Variants in PRKCH observed in about 807,000 individuals in gnomAD.
The protein encoded by PRKCH is protein kinase C eta type.
In PRKCH, 28 loss-of-function variants were observed where a neutral mutation model predicts 82.5. That is an observed-to-expected ratio of 0.34 (90% confidence interval 0.25 to 0.47). PRKCH has a LOEUF of 0.47. Among genes scored for constraint, PRKCH ranks in the 20% least tolerant of loss-of-function variants. PRKCH has a pLI of 1.00. For synonymous variants in PRKCH, 322 were observed against 327.4 expected (o/e 0.98, Z 0.18); for missense variants, 705 against 881.8 (o/e 0.80, Z 2.54).
At chr14:61,293,492 C>T (rs775506454) in intron 1 of PRKCH, among the ~76,000 whole-genome samples, 2 of 152,184 alleles carry the variant, frequency 1.3e-5, no homozygotes, top group Admixed American at 6.5e-5. Flanking sequence ...GGAATCTTAT[C>T]GCAGCACTAA....
chr14:61,435,142 G>A (rs952140675), intron 2 of PRKCH, among the ~76,000 whole-genome samples: 1 of 152,112 alleles, frequency 6.6e-6, no homozygotes, highest in Non-Finnish European at 1.5e-5. Flanking sequence ...GACAGGAATC[G>A]AGCCTCAGTT....
chr14:61,205,900 C>A (rs2044519800), intron 1 of PRKCH, among the ~76,000 whole-genome samples: 1 of 152,176 alleles, frequency 6.6e-6, no homozygotes, highest in African/African-American at 2.4e-5. Context: ...TTTGGGTTTT[C>A]TTCCTTCTCT....
chr14:61,499,236 A>G (rs189747833), intron 10 of PRKCH, among the ~76,000 whole-genome samples: 3 of 152,288 alleles, frequency 2.0e-5, no homozygotes, highest in East Asian at 3.9e-4. Context: ...TGAAAGGGGA[A>G]TTTTTTCCTT....
chr14:61,494,416 A>G (rs1886577369), intron 10 of PRKCH, among the ~76,000 whole-genome samples: 1 of 152,226 alleles, frequency 6.6e-6, no homozygotes, highest in Non-Finnish European at 1.5e-5. Flanking sequence ...ACTTTAGAGT[A>G]TGTGTGTGAC....
chr14:61,394,684 C>T (rs1162710923), intron 2 of PRKCH, among the ~76,000 whole-genome samples: 1 of 152,106 alleles, frequency 6.6e-6, no homozygotes, highest in African/African-American at 2.4e-5. Context: ...TCTGATTGTT[C>T]TCATTGTATT....
intron 1 of PRKCH, among the ~76,000 whole-genome samples, chr14:61,242,498 A>G (rs958860750): frequency 6.6e-6 from 1 of 152,162 alleles, no homozygotes; most frequent in Non-Finnish European, 1.5e-5. Context: ...CCCAGGTTCA[A>G]TCAATTCTCC....
At chr14:61,379,621 G>A (rs1767812027) in intron 1 of PRKCH, among the ~76,000 whole-genome samples, 1 of 152,210 alleles carries the variant, frequency 6.6e-6, no homozygotes, top group Middle Eastern at 3.2e-3. Flanking sequence ...TATCTTCAGT[G>A]TGTTAAGACA....
chr14:61,236,431 C>T (rs1033336956), intron 1 of PRKCH, among the ~76,000 whole-genome samples: 2 of 151,764 alleles, frequency 1.3e-5, no homozygotes, highest in Non-Finnish European at 2.9e-5. Context: ...CTGGCTCCAC[C>T]GGGCGCAGTA....
intron 1 of PRKCH, among the ~76,000 whole-genome samples, chr14:61,206,290 T>C (rs915361133): frequency 1.3e-5 from 2 of 152,214 alleles, no homozygotes; most frequent in Admixed American, 1.3e-4. Flanking sequence ...CTGAAGGCTC[T>C]AGGGAAGAAG....
chr14:61,375,210 G>T (rs2046413779), intron 1 of PRKCH, among the ~76,000 whole-genome samples: 1 of 152,046 alleles, frequency 6.6e-6, no homozygotes, highest in Non-Finnish European at 1.5e-5. Flanking sequence ...CTCCAGTCCA[G>T]TAAGTTCCTC....
intron 1 of PRKCH, among the ~76,000 whole-genome samples, chr14:61,228,353 G>A (rs141749904): frequency 5.3e-5 from 8 of 152,280 alleles, no homozygotes; most frequent in South Asian, 4.1e-4. Context: ...AATGTGTTGC[G>A]CTCTGTTTAT....
At chr14:61,206,879 G>A (rs1431847927) in intron 1 of PRKCH, among the ~76,000 whole-genome samples, 6 of 151,938 alleles carry the variant, frequency 3.9e-5, no homozygotes, top group African/African-American at 1.5e-4. Context: ...GGCCAAGGCA[G>A]ATGGATCACC....
intron 1 of PRKCH, among the ~76,000 whole-genome samples, chr14:61,226,122 G>A (rs1267100913): frequency 1.3e-5 from 2 of 152,128 alleles, no homozygotes; most frequent in Admixed American, 6.5e-5. Flanking sequence ...TTATAGCACA[G>A]TCTTAACCGT....
chr14:61,508,786 G>A (rs1887258936), intron 10 of PRKCH, among the ~76,000 whole-genome samples: 1 of 152,146 alleles, frequency 6.6e-6, no homozygotes. Flanking sequence ...TCTTGTATAT[G>A]AGGCCATGTG....
At chr14:61,394,624 CT>C (rs1216040636) in intron 2 of PRKCH, among the ~76,000 whole-genome samples, 1 of 152,152 alleles carries the variant, frequency 6.6e-6, no homozygotes, top group Non-Finnish European at 1.5e-5. Context: ...CATTACATGA[CT>C]TTTTTAGAGC....
At chr14:61,388,196 A>G (rs1035152252) in intron 1 of PRKCH, among the ~76,000 whole-genome samples, 1 of 151,256 alleles carries the variant, frequency 6.6e-6, no homozygotes, top group East Asian at 1.9e-4. Context: ...TGTGCAACCC[A>G]CTAAGTTGCT....
intron 12 of PRKCH, among the ~76,000 whole-genome samples, chr14:61,539,473 A>T (rs1465486118): frequency 2.0e-5 from 3 of 152,176 alleles, no homozygotes; most frequent in Non-Finnish European, 2.9e-5. Context: ...GTCTCTGGAG[A>T]TATCGCACAG....
At chr14:61,302,823 G>A (rs1012181778) in intron 1 of PRKCH, among the ~76,000 whole-genome samples, 18 of 152,080 alleles carry the variant, frequency 1.2e-4, no homozygotes, top group African/African-American at 3.9e-4. Context: ...ACTAGTCCAT[G>A]TGCACTTGAA....
chr14:61,386,414 C>T (rs1420548026), intron 1 of PRKCH, among the ~76,000 whole-genome samples: 3 of 152,096 alleles, frequency 2.0e-5, no homozygotes, highest in Non-Finnish European at 4.4e-5. Flanking sequence ...GCTAGAAGCC[C>T]GTTCAGGGAG....
Sources: gnomAD v4.1 joint callset for allele counts (sites outside exome capture counted in the v4.1 genomes callset) on GRCh38, gnomAD v4.1.1 for gene constraint, MANE v1.5 for transcripts, NCBI Gene and HGNC (gene_info 2026-07-23, HGNC 2026-07-21) for gene names.